Variants in CACNA1F observed in about 807,000 individuals in gnomAD.
The protein encoded by CACNA1F is voltage-dependent L-type calcium channel subunit alpha-1F.
A neutral mutation model predicts 143.8 loss-of-function variants in CACNA1F; 59 were observed. The ratio of observed to expected loss-of-function variants is 0.41; its 90% CI spans 0.33 to 0.51. The LOEUF (loss-of-function observed/expected upper bound fraction) is 0.51. Among genes scored for constraint, CACNA1F ranks in the 20% least tolerant of loss-of-function variants. The probability of loss-of-function intolerance (pLI) is 0.22; values close to 1 mark genes in which losing one functional copy is unlikely to be tolerated. For synonymous variants in CACNA1F, 643 were observed against 649.1 expected (o/e 0.99, Z 0.14); for missense variants, 1,411 against 1,647.5 (o/e 0.86, Z 2.48).
intron 27 of CACNA1F, 131 bp downstream of exon 27, chrX:49,216,251 A>G: frequency 1.5e-6 from 1 of 682,253 alleles, no homozygotes; most frequent in East Asian, 3.5e-5. Flanking sequence ...TCTCCAGAAA[A>G]CCCTATCCAG....
chrX:49,219,827 C>G (rs1557108457), intron 19 of CACNA1F, 37 bp from the exon 20 acceptor site: 3 of 863,291 alleles, frequency 3.5e-6, no homozygotes, highest in South Asian at 4.3e-5. Context: ...ATTAATTGAG[C>G]AAGTTGATGT....
At chrX:49,205,590 C>T (rs1292058096) in intron 47 of CACNA1F, 26 bp downstream of exon 47, 7 of 1,187,181 alleles carry the variant, frequency 5.9e-6, no homozygotes, top group South Asian at 1.8e-5. Flanking sequence ...CCCCATCCGT[C>T]TTGTCTATAT....
intron 24 of CACNA1F, 99 bp from the exon 25 acceptor site, chrX:49,218,104 G>T (rs1639987230): frequency 1.7e-6 from 1 of 603,958 alleles, no homozygotes; most frequent in African/African-American, 2.2e-5. Flanking sequence ...CTTGGGCTGG[G>T]GACATGTGGT....
At chrX:49,219,524 C>T (rs2065754295) in intron 20 of CACNA1F, 74 bp from the exon 21 acceptor site, 3 of 1,180,499 alleles carry the variant, frequency 2.5e-6, no homozygotes, top group Admixed American at 2.4e-5. Flanking sequence ...GGATACAGTT[C>T]TGGCCCTGAC....
Position 49,230,930 on chromosome X carries a change from C to T in CACNA1F, c.441G>A (p.Val147=). The part of the protein sequence containing the change: ...IFTVETVLKI[V]AYGLVLHPSA... The stretch of plus-strand genomic sequence containing the variant: ...TGGGGTGGAGCACCAGCCCGTAGGC[C>T]ACGATCTTGAGCACCGTCTCCACAG... Residue 147 remains valine, a synonymous_variant, in exon 4 of 48, where the codon GTG becomes GTA. Transcript: ENST00000323022. 8.4e-7 allele frequency: 1 copy of T among 1,193,530 alleles called. No individual in the cohort carries two copies. The highest frequency in any genetic ancestry group is 1.1e-6 in the Non-Finnish European group (1 of 884,845).
chrX:49,210,070 A>C (rs782671623), intron 39 of CACNA1F, 28 bp from the exon 40 acceptor site: 2 of 1,059,950 alleles, frequency 1.9e-6, no homozygotes, highest in South Asian at 3.7e-5. Flanking sequence ...GTGGGGCATG[A>C]GCCAATAGGA....
chrX:49,220,652 T>TA (rs2065766222), intron 18 of CACNA1F, 128 bp from the exon 19 acceptor site: 1 of 582,447 alleles, frequency 1.7e-6, no homozygotes, highest in Non-Finnish European at 2.9e-6. Flanking sequence ...GACATGCACA[T>TA]ATGGCTGGGC....
chrX:49,211,314 G>A lies in CACNA1F; in HGVS notation c.4260+8C>T, dbSNP rs1557106210. On this transcript the variant is annotated splice_region_variant and intron_variant, in intron 36 of 47. Coordinates refer to ENST00000323022, the MANE Select transcript of CACNA1F (RefSeq NM_001256789.3). Reference sequence around the variant, plus strand: ...CGGTGGTGGTGGTTGTGAGGAAATGGTTCTCACCAGGAAGGCACAGAGCAT... The same window carrying A: ...CGGTGGTGGTGGTTGTGAGGAAATGATTCTCACCAGGAAGGCACAGAGCAT... 2.5e-6 allele frequency: 3 copies of A among 1,210,773 alleles called. No homozygotes were observed. The highest frequency in any genetic ancestry group is 2.2e-6 in the Non-Finnish European group (2 of 894,580).
rs2065707372 is a variant in CACNA1F, at chrX:49,215,607, C to A, written c.3237-64G>T. 52 of 747,454 alleles carry A rather than the reference C, an allele frequency of 7.0e-5. No homozygotes were observed. The South Asian group carries it at 1.3e-3, about 19-fold the overall frequency. The allele number at this position is 747,454 out of a possible 1,213,427, so 61.6% of individuals were successfully genotyped here. A position where few individuals can be genotyped will look rare whatever the true frequency, so the allele number is the denominator to read the frequency against. On this transcript the variant is annotated intron_variant, in intron 27 of 47. Coordinates refer to ENST00000323022, the MANE Select transcript of CACNA1F (RefSeq NM_001256789.3). ...GAGGGGATATCCCAGCCCCCTCAGACCTGCCCCCAGTCTACTTATCACAGA... is the reference window on the plus strand; with the variant it reads ...GAGGGGATATCCCAGCCCCCTCAGAACTGCCCCCAGTCTACTTATCACAGA...
At position 49,215,362 on chromosome X, in the gene CACNA1F, A is replaced by G; in HGVS notation, c.3418T>C (p.Cys1140Arg). ...RAQGEQEYQN[C>R]ELDKNQRQCV... Reference sequence around the variant, plus strand: ...GTCACCTGGTTCTTGTCCAGCTCACAGTTTTGGTACTCCTGCTCGCCCTGG... The same window carrying G: ...GTCACCTGGTTCTTGTCCAGCTCACGGTTTTGGTACTCCTGCTCGCCCTGG... Residue 1140 changes from cysteine to arginine, a missense_variant, in exon 28 of 48, where the codon TGT becomes CGT. Coordinates refer to ENST00000323022, the MANE Select transcript of CACNA1F (RefSeq NM_001256789.3). The G allele has an allele frequency of 8.3e-7, 1 of 1,210,756 alleles. No homozygotes were observed. The highest frequency in any genetic ancestry group is 1.1e-6 in the Non-Finnish European group (1 of 895,025).
intron 13 of CACNA1F, 41 bp from the exon 14 acceptor site, chrX:49,225,027 C>T (rs2065810276): frequency 1.1e-6 from 1 of 949,893 alleles, no homozygotes; most frequent in Non-Finnish European, 1.5e-6. Context: ...TGGCCAGTTT[C>T]TGTGGTGACA....
intron 38 of CACNA1F, 72 bp from the exon 39 acceptor site, chrX:49,210,475 G>A (rs952534292): frequency 8.8e-6 from 9 of 1,022,807 alleles, no homozygotes; most frequent in Non-Finnish European, 1.1e-5. Context: ...TCAAGGGGCA[G>A]AAACCTCTGA....
Position 49,231,008 on chromosome X carries a change from G to A in CACNA1F, c.382-19C>T, listed in dbSNP as rs782434968. On this transcript the variant is annotated intron_variant, in intron 3 of 47. Transcript: ENST00000323022. ...CCTGCTCCTGGGGGTGGGACCGGGG[G>A]GCGGGTCGGGAAGTCGAGGAGTTAT... 6.3e-6 allele frequency: 7 copies of A among 1,119,922 alleles called. No homozygotes were observed. The East Asian group carries it at 1.5e-4, about 24-fold the overall frequency. The allele number at this position is 1,119,922 out of a possible 1,213,427, so 92.3% of individuals were successfully genotyped here. A position where few individuals can be genotyped will look rare whatever the true frequency, so the allele number is the denominator to read the frequency against.
At chrX:49,230,405 G>A (rs370230346) in intron 5 of CACNA1F, 33 bp from the exon 6 acceptor site, 62 of 1,205,826 alleles carry the variant, frequency 5.1e-5, no homozygotes, top group Non-Finnish European at 6.9e-5. Flanking sequence ...AGAAATAAGG[G>A]CGGGGTCAGC....
rs782435523 is a variant in CACNA1F at position 49,230,243 on chromosome X, T to G, written c.794A>C (p.Lys265Thr). ...GLELFLGRMH[K>T]TCYFLGSDME... The stretch of plus-strand genomic sequence containing the variant: ...ACCGGATCCCAGGAAGTAGCACGTC[T>G]TGTGCATTCGTCCAAGGAACAGCTC... The change falls in exon 6 of 48, where the codon AAG (lysine) becomes ACG (threonine). Residue 265 changes from lysine to threonine, a missense_variant. By Grantham distance (78) the Lys-to-Thr change is moderately conservative. This residue lies in a region of CACNA1F where 950 missense variants were observed against 1,128.1 expected (regional missense o/e 0.84). Coordinates refer to ENST00000323022, the MANE Select transcript of CACNA1F (RefSeq NM_001256789.3). 2.5e-6 allele frequency: 3 copies of G among 1,206,704 alleles called. No individual in the cohort carries two copies. The South Asian group carries it at 5.4e-5, about 22-fold the overall frequency.
In CACNA1F at chrX:49,205,084, G is replaced by A. The variant is rs2065577611; in HGVS notation, c.*53C>T. The A allele has an allele frequency of 5.3e-6, 5 of 936,432 alleles. No individual in the cohort carries two copies. 77.2% of individuals were successfully genotyped at this position (936,432 alleles called of 1,213,427 possible). A position where few individuals can be genotyped will look rare whatever the true frequency, so the allele number is the denominator to read the frequency against. On this transcript the variant is annotated 3_prime_UTR_variant, in exon 48 of 48. Transcript: ENST00000323022. ...GGGATGTGGTCCATGCCTGCCTCCT[G>A]CTGGGGAGGGGAGGGCAGGAGGTTT...
chrX:49,218,935 C>T lies in CACNA1F; in HGVS notation c.2680G>A (p.Gly894Ser). 1 of 1,205,282 alleles carries T rather than the reference C, an allele frequency of 8.3e-7. No individual in the cohort carries two copies. The highest frequency in any genetic ancestry group is 3.0e-5 in the East Asian group (1 of 33,802). ...RAHSFRNHIL[G>S]YFDYAFTSIF... ...GAGGTGAAGGCATAATCGAAGTAAC[C>T]CAGAATCTGGGGTGTGAGAAAGAGC... Residue 894 changes from glycine to serine, a missense_variant, in exon 22 of 48, where the codon GGT becomes AGT. Transcript: ENST00000323022.
intron 14 of CACNA1F, among the ~76,000 whole-genome samples, 158 bp from the exon 15 acceptor site, chrX:49,223,294 G>A (rs1332517063): frequency 9.1e-6 from 1 of 109,991 alleles, no homozygotes; most frequent in African/African-American, 3.3e-5. Flanking sequence ...TGGAGTTGGG[G>A]TGAGATGAGA....
At position 49,230,254 on chromosome X, in the gene CACNA1F, T is replaced by C; in HGVS notation, c.783A>G (p.Gly261=). 8.3e-7 allele frequency: 1 copy of C among 1,207,039 alleles called. No individual in the cohort carries two copies. The highest frequency in any genetic ancestry group is 1.1e-6 in the Non-Finnish European group (1 of 892,948). ...YAIIGLELFL[G]RMHKTCYFLG... Reference sequence around the variant, plus strand: ...GGAAGTAGCACGTCTTGTGCATTCGTCCAAGGAACAGCTCGAGCCCAATGA... The same window carrying C: ...GGAAGTAGCACGTCTTGTGCATTCGCCCAAGGAACAGCTCGAGCCCAATGA... The change falls in exon 6 of 48, where the codon GGA becomes GGG. Residue 261 remains glycine (G), a synonymous_variant. Coordinates refer to ENST00000323022, the MANE Select transcript of CACNA1F (RefSeq NM_001256789.3).
Sources: gnomAD v4.1 joint callset for allele counts (sites outside exome capture counted in the v4.1 genomes callset) on GRCh38, gnomAD v4.1.1 for gene constraint, gnomAD v4.1.1 regional missense constraint, MANE v1.5 for transcripts, NCBI Gene and HGNC (gene_info 2026-07-23, HGNC 2026-07-21) for gene names.